ELOVL7: variants seen among roughly 807,000 people sequenced by gnomAD.
ELOVL7 encodes very long chain fatty acid elongase 7.
In ELOVL7, 27 loss-of-function variants were observed where a neutral mutation model predicts 35.7. The observed-to-expected ratio is 0.76, with a 90% CI of 0.56 to 1.04. ELOVL7 has a LOEUF of 1.04. Ranked by LOEUF, ELOVL7 falls within the 50% of genes least tolerant of loss-of-function variation. The pLI is 0.00. For synonymous variants in ELOVL7, 113 were observed against 114.6 expected (o/e 0.99, Z 0.09); for missense variants, 327 against 340.8 (o/e 0.96, Z 0.32).
intron 1 of ELOVL7, among the ~76,000 whole-genome samples, chr5:60,839,448 T>C (rs1369557036): frequency 2.0e-5 from 3 of 152,210 alleles, no homozygotes; most frequent in African/African-American, 7.2e-5. Flanking sequence ...TAGAAATCAA[T>C]TAGGAATAAT....
intron 5 of ELOVL7, among the ~76,000 whole-genome samples, chr5:60,767,188 G>T (rs1742293320): frequency 6.6e-6 from 1 of 152,064 alleles, no homozygotes; most frequent in African/African-American, 2.4e-5. Flanking sequence ...TCCACCTTCT[G>T]GGTTCAAGCG....
chr5:60,813,386 C>T (rs559117668), intron 1 of ELOVL7, among the ~76,000 whole-genome samples: 7 of 152,242 alleles, frequency 4.6e-5, no homozygotes, highest in East Asian at 1.9e-4. Flanking sequence ...CTTAAATCTA[C>T]GCTTAGGGTT....
chr5:60,775,798 C>G (rs918414900), intron 3 of ELOVL7, among the ~76,000 whole-genome samples: 1 of 152,110 alleles, frequency 6.6e-6, no homozygotes, highest in Non-Finnish European at 1.5e-5. Context: ...GAAACTGGAC[C>G]ACTACCTACC....
At chr5:60,803,056 A>C (rs1378126510) in intron 1 of ELOVL7, among the ~76,000 whole-genome samples, 1 of 152,130 alleles carries the variant, frequency 6.6e-6, no homozygotes, top group East Asian at 1.9e-4. Flanking sequence ...TCTTTTTGGG[A>C]GCTTCAAAAT....
At chr5:60,763,124 C>G (rs1357731243) in intron 7 of ELOVL7, among the ~76,000 whole-genome samples, 3 of 152,136 alleles carry the variant, frequency 2.0e-5, no homozygotes, top group Non-Finnish European at 4.4e-5. Context: ...TAAGAAAAAG[C>G]AGCTACATTT....
At chr5:60,823,058 GAGA>G (rs201986292) in intron 1 of ELOVL7, among the ~76,000 whole-genome samples, 1,820 of 152,342 alleles carry the variant, frequency 0.012, 21 homozygotes, top group South Asian at 0.042. Flanking sequence ...AAGTCTAGAA[GAGA>G]AGAAGGAGAG....
At chr5:60,799,519 G>A (rs1744464936) in intron 1 of ELOVL7, among the ~76,000 whole-genome samples, 1 of 152,070 alleles carries the variant, frequency 6.6e-6, no homozygotes, top group South Asian at 2.1e-4. Flanking sequence ...CCACAGAAAT[G>A]CAAAGGATCA....
intron 1 of ELOVL7, among the ~76,000 whole-genome samples, chr5:60,834,202 C>T (rs984103521): frequency 3.3e-5 from 5 of 152,056 alleles, no homozygotes; most frequent in Non-Finnish European, 5.9e-5. Flanking sequence ...AGTGCAGTGG[C>T]ATGATCTCGG....
At chr5:60,837,309 G>GGGGGGT (rs1746862932) in intron 1 of ELOVL7, among the ~76,000 whole-genome samples, 3 of 107,194 alleles carry the variant, frequency 2.8e-5, no homozygotes, top group Admixed American at 1.7e-4. Flanking sequence ...TGGTAGGGCG[G>GGGGGGT]GGGGGTGGGG....
At chr5:60,782,440 T>A (rs1321584558) in intron 3 of ELOVL7, among the ~76,000 whole-genome samples, 1 of 152,184 alleles carries the variant, frequency 6.6e-6, no homozygotes, top group Non-Finnish European at 1.5e-5. Flanking sequence ...TGAAGGGATA[T>A]CTGCACTCTC....
intron 1 of ELOVL7, among the ~76,000 whole-genome samples, chr5:60,823,142 TAGAG>T (rs1745982674): frequency 6.8e-6 from 1 of 147,908 alleles, no homozygotes. Flanking sequence ...GATGAAGTAA[TAGAG>T]AGAAACAAGA....
At position 60,791,969 on chromosome 5, in the gene ELOVL7, G is replaced by A. The variant is rs190705197; in HGVS notation, c.-34-4538C>T. Among the ~76,000 whole-genome samples, 33 of 152,072 alleles carry A rather than the reference G, an allele frequency of 2.2e-4. No individual in the cohort carries two copies. In the East Asian group the frequency reaches 5.2e-3, roughly 24 times the overall value. ...CATTTTCCCCTCCCCAGTCCTCACCGAAGCACAAAGACTCAAAGAAACCAC... is the reference window on the plus strand; with the variant it reads ...CATTTTCCCCTCCCCAGTCCTCACCAAAGCACAAAGACTCAAAGAAACCAC... On this transcript the variant is annotated intron_variant, in intron 2 of 8. Transcript: ENST00000508821.
At chr5:60,817,670 A>ACATATACACACACAC (rs1554066898) in intron 1 of ELOVL7, among the ~76,000 whole-genome samples, 1 of 82,290 alleles carries the variant, frequency 1.2e-5, no homozygotes, top group Non-Finnish European at 2.9e-5. Flanking sequence ...ACATATATAC[A>ACATATACACACACAC]CATATATACA....
At chr5:60,769,895 C>CA (rs1031095871) in intron 4 of ELOVL7, among the ~76,000 whole-genome samples, 2 of 151,778 alleles carry the variant, frequency 1.3e-5, no homozygotes, top group Non-Finnish European at 2.9e-5. Flanking sequence ...ACAAAAAATA[C>CA]AAAAAATTAG....
chr5:60,837,314 GTGGGGGGGGA>G (rs1746866141), intron 1 of ELOVL7, among the ~76,000 whole-genome samples: 2 of 104,046 alleles, frequency 1.9e-5, no homozygotes, highest in African/African-American at 8.1e-5. Context: ...GGGCGGGGGG[GTGGGGGGGGA>G]GTGGGGGGTG....
At chr5:60,841,858 G>A (rs1747193058) in intron 1 of ELOVL7, among the ~76,000 whole-genome samples, 1 of 152,194 alleles carries the variant, frequency 6.6e-6, no homozygotes, top group South Asian at 2.1e-4. Context: ...GAACAGCTGG[G>A]TACCTGTTTG....
intron 2 of ELOVL7, among the ~76,000 whole-genome samples, chr5:60,794,729 T>C (rs1744145656): frequency 6.6e-6 from 1 of 151,736 alleles, no homozygotes; most frequent in African/African-American, 2.4e-5. Flanking sequence ...GTTTGGGAGG[T>C]TCTGGCCTCC....
At chr5:60,814,932 T>C (rs1745436542) in intron 1 of ELOVL7, among the ~76,000 whole-genome samples, 3 of 152,188 alleles carry the variant, frequency 2.0e-5, no homozygotes, top group Admixed American at 2.0e-4. Context: ...CATTTACTGC[T>C]CCTAAAATCC....
chr5:60,780,146 T>C (rs1329222347), intron 3 of ELOVL7, among the ~76,000 whole-genome samples: 1 of 150,602 alleles, frequency 6.6e-6, no homozygotes, highest in African/African-American at 2.4e-5. Flanking sequence ...TTAGATGTAG[T>C]TTCGTTCTTG....
Sources: allele counts gnomAD v4.1 joint callset (sites outside exome capture counted in the v4.1 genomes callset), GRCh38; gene constraint gnomAD v4.1.1; transcripts MANE v1.5; gene names NCBI Gene and HGNC (gene_info 2026-07-23, HGNC 2026-07-21).